Variants in AFF3 observed in about 807,000 individuals in gnomAD.
AFF3 encodes AF4/FMR2 family member 3.
In AFF3, 32 loss-of-function variants were observed where a neutral mutation model predicts 129.7. The observed-to-expected ratio is 0.25, with a 90% CI of 0.19 to 0.33. The LOEUF (loss-of-function observed/expected upper bound fraction) is 0.33, where lower values mean the gene tolerates loss of function less well. AFF3 is among the 10% of genes least tolerant of loss of function. The probability of loss-of-function intolerance (pLI) is 1.00; values close to 1 mark genes in which losing one functional copy is unlikely to be tolerated. For missense variants in AFF3, 1,373 were observed against 1,592.0 expected (o/e 0.86, Z 2.34); for synonymous variants, 644 against 635.4 (o/e 1.01, Z -0.20).
intron 7 of AFF3, among the ~76,000 whole-genome samples, chr2:99,912,195 T>C (rs1045879360): frequency 6.6e-6 from 1 of 152,220 alleles, no homozygotes; most frequent in Non-Finnish European, 1.5e-5. Context: ...TCCTATTTAT[T>C]AACATAAGAA....
At chr2:99,937,689 G>A (rs528200557) in intron 7 of AFF3, among the ~76,000 whole-genome samples, 2 of 152,252 alleles carry the variant, frequency 1.3e-5, no homozygotes, top group East Asian at 1.9e-4. Context: ...AAGCCACCGC[G>A]CCCGGCCCTG....
At chr2:99,881,230 A>T (rs1454127506) in intron 7 of AFF3, among the ~76,000 whole-genome samples, 1 of 152,220 alleles carries the variant, frequency 6.6e-6, no homozygotes, top group African/African-American at 2.4e-5. Flanking sequence ...TCATAGGGAT[A>T]AATAGCATCC....
intron 8 of AFF3, among the ~76,000 whole-genome samples, chr2:99,769,454 T>C (rs1683286286): frequency 6.6e-6 from 1 of 152,244 alleles, no homozygotes; most frequent in African/African-American, 2.4e-5. Context: ...TTTTGAATTC[T>C]CTGTCACATA....
At position 99,563,830 on chromosome 2, in the gene AFF3, A is replaced by AG. The variant is rs1428233533; in HGVS notation, c.3119+1656_3119+1657insC. On this transcript the variant is annotated intron_variant, in intron 20 of 24. Coordinates refer to ENST00000672756, the MANE Select transcript of AFF3 (RefSeq NM_001386135.1). ...AGTCTCAAAAAAAAAAAAAAAAAAA[A>AG]AAAGAAAGAAAGAAAAAGAGCCAAA... Among the ~76,000 whole-genome samples the AG allele has an allele frequency of 8.3e-3, 1,245 of 149,386 alleles. 7 individuals are homozygous for AG. Among genetic ancestry groups the AG allele is most frequent in the African/African-American group, 0.029 (1,153 of 40,158 alleles).
chr2:99,899,346 A>G (rs1694194621), intron 7 of AFF3, among the ~76,000 whole-genome samples: 1 of 152,202 alleles, frequency 6.6e-6, no homozygotes, highest in South Asian at 2.1e-4. Flanking sequence ...CAGGTACTAA[A>G]AAATCTAAGT....
chr2:99,909,508 T>C (rs1303486569), intron 7 of AFF3, among the ~76,000 whole-genome samples: 1 of 151,000 alleles, frequency 6.6e-6, no homozygotes, highest in Non-Finnish European at 1.5e-5. Flanking sequence ...TAATGCTAAA[T>C]GACGAGTTAC....
intron 7 of AFF3, among the ~76,000 whole-genome samples, chr2:99,926,658 A>C (rs1696261834): frequency 6.6e-6 from 1 of 151,564 alleles, no homozygotes; most frequent in Non-Finnish European, 1.5e-5. Context: ...GAACAAGCAA[A>C]GTGCTTCAGA....
intron 24 of AFF3, among the ~76,000 whole-genome samples, chr2:99,552,894 C>T (rs1483870212): frequency 6.6e-6 from 1 of 152,158 alleles, no homozygotes; most frequent in African/African-American, 2.4e-5. Context: ...TGACACCCAC[C>T]CCACCTATTT....
In AFF3 at chr2:99,966,913, T is replaced by C. The variant is rs145411397; in HGVS notation, c.873+39719A>G. On this transcript the variant is annotated intron_variant, in intron 7 of 24. Coordinates refer to ENST00000672756, the MANE Select transcript of AFF3 (RefSeq NM_001386135.1). Reference sequence around the variant, plus strand: ...CAGATTAATAGCACTCTATGGAAAATTGATTATGGGAAGGAATTAAATTGG... The same window carrying C: ...CAGATTAATAGCACTCTATGGAAAACTGATTATGGGAAGGAATTAAATTGG... 2.8e-4 allele frequency among the ~76,000 whole-genome samples: 43 copies of C among 152,076 alleles called. No individual in the cohort carries two copies. The East Asian group carries it at 5.4e-3, about 19-fold the overall frequency.
chr2:99,695,938 G>GAAAAAAAAAAAA (rs10719354), intron 11 of AFF3, among the ~76,000 whole-genome samples: 224 of 57,624 alleles, frequency 3.9e-3, no homozygotes, highest in East Asian at 7.1e-3. Flanking sequence ...CTGGAAAAAT[G>GAAAAAAAAAAAA]AAAAAAAAAA....
intron 8 of AFF3, among the ~76,000 whole-genome samples, chr2:99,781,569 TG>T (rs1165525187): frequency 6.6e-6 from 1 of 152,176 alleles, no homozygotes; most frequent in Non-Finnish European, 1.5e-5. Context: ...CTGTTATCCA[TG>T]GGTGCTTCTG....
rs575285108 is a variant in AFF3, at chr2:99,652,282, A to C, written c.1144-2616T>G. Among the ~76,000 whole-genome samples, 53 of 152,284 alleles carry C rather than the reference A, an allele frequency of 3.5e-4. 2 individuals carry two copies. The South Asian group carries it at 7.9e-3, about 23-fold the overall frequency. ...GCAGCAGCTCTCAACCGGGGCACCC[A>C]TGACTCCCAAACCCTGGGTGTCTGG... On this transcript the variant is annotated intron_variant, in intron 12 of 24. Coordinates refer to ENST00000672756, the MANE Select transcript of AFF3 (RefSeq NM_001386135.1).
At chr2:99,866,768 G>A (rs1158137173) in intron 7 of AFF3, among the ~76,000 whole-genome samples, 2 of 151,932 alleles carry the variant, frequency 1.3e-5, no homozygotes, top group East Asian at 3.9e-4. Context: ...CCTGAGGTCA[G>A]GAGTTCGAGA....
intron 7 of AFF3, among the ~76,000 whole-genome samples, chr2:99,951,753 C>G (rs1676188295): frequency 6.6e-6 from 1 of 152,206 alleles, no homozygotes; most frequent in African/African-American, 2.4e-5. Flanking sequence ...TCAAGCCATT[C>G]TCCTGCCTCA....
At chr2:99,891,878 A>G (rs1221531546) in intron 7 of AFF3, among the ~76,000 whole-genome samples, 1 of 150,774 alleles carries the variant, frequency 6.6e-6, no homozygotes, top group African/African-American at 2.4e-5. Flanking sequence ...GCTGGAGTGC[A>G]CTGGCATGAT....
rs1325916341 is a variant in AFF3 at position 99,551,549 on chromosome 2, G to A, written c.3606C>T (p.His1202=). 15 of 1,614,064 alleles carry A rather than the reference G, an allele frequency of 9.3e-6. No homozygotes were observed. The highest frequency in any genetic ancestry group is 1.3e-5 in the African/African-American group (1 of 74,924). ...LDLLMGPVTL[H]SSMEHLVQYS... is the part of the protein sequence containing the mutation. ...ACTGGACCAGGTGCTCCATGCTGCTGTGCAGGGTGACCGGCCCCATGAGCA... is the reference window on the plus strand; with the variant it reads ...ACTGGACCAGGTGCTCCATGCTGCTATGCAGGGTGACCGGCCCCATGAGCA... Residue 1202 remains histidine, a synonymous_variant, in exon 25 of 25, where the codon CAC becomes CAT. Transcript: ENST00000672756.
chr2:99,838,756 A>G (rs1689086625), intron 7 of AFF3, among the ~76,000 whole-genome samples: 1 of 152,202 alleles, frequency 6.6e-6, no homozygotes, highest in East Asian at 1.9e-4. Flanking sequence ...GAATAAATGA[A>G]TGAGTTTACT....
At chr2:100,045,451 C>T (rs1685757825) in intron 4 of AFF3, among the ~76,000 whole-genome samples, 1 of 152,120 alleles carries the variant, frequency 6.6e-6, no homozygotes, top group Non-Finnish European at 1.5e-5. Context: ...TGCCTTATGT[C>T]TTCCCCTTTA....
At chr2:99,627,141 A>G (rs1292962952) in intron 13 of AFF3, among the ~76,000 whole-genome samples, 1 of 152,232 alleles carries the variant, frequency 6.6e-6, no homozygotes. Context: ...TAGGTCTTCG[A>G]GGAATCACCA....
Sources: allele counts gnomAD v4.1 joint callset (sites outside exome capture counted in the v4.1 genomes callset), GRCh38; gene constraint gnomAD v4.1.1; transcripts MANE v1.5; gene names NCBI Gene and HGNC (gene_info 2026-07-23, HGNC 2026-07-21).